The following SPATA16 variants were observed in gnomAD, a reference collection of about 807,000 sequenced individuals.
SPATA16 encodes spermatogenesis associated 16.
A neutral mutation model predicts 63.3 loss-of-function variants in SPATA16; 36 were observed. The observed-to-expected ratio is 0.57, with a 90% CI of 0.44 to 0.75. SPATA16 has a LOEUF of 0.75. SPATA16 is among the 30% of genes least tolerant of loss of function. The probability of loss-of-function intolerance (pLI) is 0.00; values close to 1 mark genes in which losing one functional copy is unlikely to be tolerated. For synonymous variants in SPATA16, 203 were observed against 216.7 expected, an observed-to-expected ratio of 0.94 and a Z score of 0.56; for missense variants, 646 against 679.3, an observed-to-expected ratio of 0.95 and a Z score of 0.54.
At chr3:173,139,577 G>C (rs954397612) in intron 1 of SPATA16, among the ~76,000 whole-genome samples, 1 of 152,040 alleles carries the variant, frequency 6.6e-6, no homozygotes, top group Non-Finnish European at 1.5e-5. Flanking sequence ...CAATTGTTGG[G>C]GTACCTATTC....
Position 173,056,474 on chromosome 3 carries a change from G to C in SPATA16, c.613-7380C>G, listed in dbSNP as rs545099751. 3.3e-5 allele frequency among the ~76,000 whole-genome samples: 5 copies of C among 152,144 alleles called. No individual in the cohort carries two copies. In the East Asian group the frequency reaches 7.7e-4, roughly 24 times the overall value. ...TCCCAGCACTTTGGGAGGCCGAGGC[G>C]GGTGGATCGCCTGAGGTCAGGAATT... is the stretch of plus-strand genomic sequence containing the variant. On this transcript the variant is annotated intron_variant, in intron 2 of 10. Transcript: ENST00000351008.
intron 10 of SPATA16, 119 bp from the exon 11 acceptor site, chr3:172,889,811 C>T (rs1731857612): frequency 7.3e-7 from 1 of 1,370,816 alleles, no homozygotes; most frequent in South Asian, 1.3e-5. Flanking sequence ...TGGAACAGAA[C>T]TGGCAGAAAC....
At chr3:172,961,408 C>T (rs1733781708) in intron 5 of SPATA16, among the ~76,000 whole-genome samples, 1 of 152,056 alleles carries the variant, frequency 6.6e-6, no homozygotes, top group African/African-American at 2.4e-5. Flanking sequence ...AAAGGCTTTT[C>T]TTTTGAGATG....
intron 5 of SPATA16, among the ~76,000 whole-genome samples, chr3:172,959,343 A>G (rs9818709): frequency 0.64 from 97,163 of 152,066 alleles, 31,910 homozygotes; most frequent in African/African-American, 0.79. Context: ...TGATCTGCTC[A>G]TTGAAGGATC....
chr3:173,086,983 G>A (rs1737075789), intron 2 of SPATA16, among the ~76,000 whole-genome samples: 1 of 152,110 alleles, frequency 6.6e-6, no homozygotes, highest in African/African-American at 2.4e-5. Flanking sequence ...GCCATGTGGA[G>A]CCAAGAAGAA....
At chr3:173,105,960 T>C (rs541372025) in intron 2 of SPATA16, among the ~76,000 whole-genome samples, 2 of 152,214 alleles carry the variant, frequency 1.3e-5, no homozygotes, top group East Asian at 3.9e-4. Flanking sequence ...TCTGATTTTT[T>C]ATTGTATTGA....
At chr3:173,071,013 G>A (rs1274259085) in intron 2 of SPATA16, among the ~76,000 whole-genome samples, 7 of 152,206 alleles carry the variant, frequency 4.6e-5, no homozygotes, top group African/African-American at 1.4e-4. Flanking sequence ...AAGCTATCCT[G>A]AGAAAAAACA....
chr3:173,114,955 C>G (rs181351603), intron 2 of SPATA16, among the ~76,000 whole-genome samples: 1 of 152,212 alleles, frequency 6.6e-6, no homozygotes, highest in Admixed American at 6.5e-5. Flanking sequence ...GATAATTAGA[C>G]AAAAGCTAGG....
rs376271684 is a variant in SPATA16 at position 172,947,042 on chromosome 3, G to A, written c.1081+9635C>T. ...GGGAAAGGAAAGAGAGAGAATTAGA[G>A]TCTCTACCTGGTAGTCCAGGGAATG... On this transcript the variant is annotated intron_variant, in intron 6 of 10. Coordinates refer to ENST00000351008, the MANE Select transcript of SPATA16 (RefSeq NM_031955.6). 1.4e-4 allele frequency among the ~76,000 whole-genome samples: 21 copies of A among 152,246 alleles called. No individual in the cohort carries two copies. In the South Asian group the frequency reaches 4.4e-3, roughly 32 times the overall value.
At chr3:173,137,517 G>A (rs542914533) in intron 1 of SPATA16, among the ~76,000 whole-genome samples, 63 of 152,246 alleles carry the variant, frequency 4.1e-4, no homozygotes, top group African/African-American at 1.4e-3. Flanking sequence ...AGAAATGGCA[G>A]CTGCAGAAGA....
At chr3:172,921,713 A>G (rs1008568685) in intron 8 of SPATA16, among the ~76,000 whole-genome samples, 5 of 152,250 alleles carry the variant, frequency 3.3e-5, no homozygotes, top group African/African-American at 1.2e-4. Flanking sequence ...ACAAATAATT[A>G]AAACTAAAAT....
At chr3:173,110,700 A>C (rs186112321) in intron 2 of SPATA16, among the ~76,000 whole-genome samples, 45 of 152,308 alleles carry the variant, frequency 3.0e-4, no homozygotes, top group Admixed American at 1.0e-3. Context: ...AAGTTGCTCA[A>C]ACTCACATAG....
At chr3:172,989,961 T>A (rs1342104171) in intron 4 of SPATA16, among the ~76,000 whole-genome samples, 1 of 152,210 alleles carries the variant, frequency 6.6e-6, no homozygotes, top group African/African-American at 2.4e-5. Context: ...TGCAGCCCTC[T>A]TTAACCCTTA....
intron 1 of SPATA16, among the ~76,000 whole-genome samples, chr3:173,125,920 T>A (rs1259026570): frequency 6.6e-6 from 1 of 152,236 alleles, no homozygotes; most frequent in East Asian, 1.9e-4. Context: ...TTCAAAAGTA[T>A]CTTTTTGTTG....
At chr3:172,915,787 A>C (rs1732470548) in intron 9 of SPATA16, among the ~76,000 whole-genome samples, 1 of 152,068 alleles carries the variant, frequency 6.6e-6, no homozygotes, top group Non-Finnish European at 1.5e-5. Context: ...AACCCCATCT[A>C]TTTTGACTAG....
chr3:173,079,137 G>A (rs758706804), intron 2 of SPATA16, among the ~76,000 whole-genome samples: 4 of 152,028 alleles, frequency 2.6e-5, no homozygotes, highest in Non-Finnish European at 5.9e-5. Context: ...TAAAGTTACT[G>A]TGTGAAATAT....
intron 10 of SPATA16, among the ~76,000 whole-genome samples, chr3:172,900,179 C>A (rs914252218): frequency 1.5e-4 from 23 of 152,088 alleles, no homozygotes; most frequent in Non-Finnish European, 2.9e-4. Flanking sequence ...CTTCTTTATT[C>A]CTGAAAGATG....
intron 5 of SPATA16, among the ~76,000 whole-genome samples, chr3:172,972,588 T>C (rs764982247): frequency 6.6e-6 from 1 of 152,210 alleles, no homozygotes; most frequent in South Asian, 2.1e-4. Context: ...AGCTTTGTAA[T>C]GGCTGATACC....
chr3:173,067,521 T>C (rs1188862975), intron 2 of SPATA16, among the ~76,000 whole-genome samples: 1 of 152,150 alleles, frequency 6.6e-6, no homozygotes, highest in Non-Finnish European at 1.5e-5. Flanking sequence ...GACAAAGTTA[T>C]TTGTACACTA....
Sources: allele counts gnomAD v4.1 joint callset (sites outside exome capture counted in the v4.1 genomes callset), GRCh38; gene constraint gnomAD v4.1.1; transcripts MANE v1.5; gene names NCBI Gene and HGNC (gene_info 2026-07-23, HGNC 2026-07-21).